The following BRINP3 variants were observed in gnomAD, a reference collection of about 807,000 sequenced individuals.
The protein encoded by BRINP3 is BMP/retinoic acid inducible neural specific 3.
Under a neutral mutation model 71.0 loss-of-function variants are expected in BRINP3, and 19 were observed. The ratio of observed to expected loss-of-function variants is 0.27; its 90% CI spans 0.19 to 0.39. The LOEUF (loss-of-function observed/expected upper bound fraction) is 0.39, where lower values mean the gene tolerates loss of function less well. Among genes scored for constraint, BRINP3 ranks in the 10% least tolerant of loss-of-function variants. The pLI, the probability that BRINP3 is intolerant of heterozygous loss-of-function variation, is 1.00. For synonymous variants in BRINP3, 380 were observed against 337.7 expected (o/e 1.13, Z -1.37); for missense variants, 959 against 940.8 (o/e 1.02, Z -0.25).
intron 2 of BRINP3, among the ~76,000 whole-genome samples, chr1:190,286,501 T>G (rs1489022398): frequency 6.6e-6 from 1 of 152,028 alleles, no homozygotes; most frequent in Admixed American, 6.6e-5. Context: ...CTCTTCATAT[T>G]AGAAATTTTG....
At chr1:190,458,110 A>C (rs183535915) in intron 1 of BRINP3, among the ~76,000 whole-genome samples, 3 of 152,134 alleles carry the variant, frequency 2.0e-5, no homozygotes, top group African/African-American at 7.2e-5. Flanking sequence ...ATTATGAGGT[A>C]ATTATCACAT....
intron 2 of BRINP3, among the ~76,000 whole-genome samples, chr1:190,364,360 T>C (rs1018258856): frequency 6.6e-6 from 1 of 152,140 alleles, no homozygotes; most frequent in Non-Finnish European, 1.5e-5. Flanking sequence ...CTAAATGTTC[T>C]GAAAATTTTA....
At chr1:190,358,139 C>G (rs539315238) in intron 2 of BRINP3, among the ~76,000 whole-genome samples, 2 of 152,080 alleles carry the variant, frequency 1.3e-5, no homozygotes, top group Non-Finnish European at 2.9e-5. Context: ...GCAATGGCAA[C>G]AAAAGACAAA....
chr1:190,352,714 T>C (rs765116725), intron 2 of BRINP3, among the ~76,000 whole-genome samples: 1 of 151,958 alleles, frequency 6.6e-6, no homozygotes, highest in Non-Finnish European at 1.5e-5. Flanking sequence ...TTTTATTCTA[T>C]CTTATTCTGA....
intron 3 of BRINP3, among the ~76,000 whole-genome samples, chr1:190,277,456 C>T (rs1662682836): frequency 1.3e-5 from 2 of 151,356 alleles, no homozygotes; most frequent in South Asian, 4.2e-4. Context: ...GATAAGGGCA[C>T]ATTTAAAATT....
chr1:190,208,136 T>C (rs1655677130), intron 6 of BRINP3, among the ~76,000 whole-genome samples: 1 of 152,024 alleles, frequency 6.6e-6, no homozygotes. Context: ...ATTTTTTTTA[T>C]TTTTGTAAAG....
Position 190,281,740 on chromosome 1 carries a change from G to T in BRINP3, c.247C>A (p.Arg83Ser). The T allele has an allele frequency of 6.2e-7, 1 of 1,605,030 alleles. No individual in the cohort carries two copies. Among genetic ancestry groups the T allele is most frequent in the Non-Finnish European group, 8.5e-7 (1 of 1,177,100 alleles). ...ACTGCAAGGTTATTTACTTTCCAGC[G>T]GCCAAACTCCCTGAAAAGCAAATTT... ...TRYKIYREFG[R>S]WKVNNLAVER... Residue 83 changes from arginine to serine, a missense_variant, in exon 3 of 8, where the codon CGC (arginine) becomes AGC (serine). Coordinates refer to ENST00000367462, the MANE Select transcript of BRINP3 (RefSeq NM_199051.3).
chr1:190,278,070 T>C (rs779668452), intron 3 of BRINP3, among the ~76,000 whole-genome samples: 29 of 151,746 alleles, frequency 1.9e-4, no homozygotes, highest in Non-Finnish European at 3.5e-4. Context: ...CAAAGTTTTA[T>C]GTCTACATCA....
At chr1:190,266,376 A>T (rs1448925297) in intron 3 of BRINP3, among the ~76,000 whole-genome samples, 1 of 152,202 alleles carries the variant, frequency 6.6e-6, no homozygotes. Flanking sequence ...TCTCAGAAAT[A>T]GATTTCAACA....
At chr1:190,393,363 C>G (rs1263460273) in intron 2 of BRINP3, among the ~76,000 whole-genome samples, 1 of 151,398 alleles carries the variant, frequency 6.6e-6, no homozygotes, top group African/African-American at 2.4e-5. Flanking sequence ...CTTCTGCCTT[C>G]GGTGCAATTC....
At chr1:190,188,738 C>T (rs998989606) in intron 6 of BRINP3, among the ~76,000 whole-genome samples, 3 of 149,918 alleles carry the variant, frequency 2.0e-5, no homozygotes, top group Admixed American at 2.0e-4. Flanking sequence ...TATTAATGTG[C>T]TGTCATGTTT....
intron 2 of BRINP3, chr1:190,342,519 A>T (rs1268424765): frequency 6.6e-6 from 1 of 151,292 alleles, no homozygotes. Flanking sequence ...CTGGAGTCAA[A>T]TATTTCATTT....
chr1:190,254,833 G>A (rs1437534985), intron 4 of BRINP3, among the ~76,000 whole-genome samples: 1 of 152,128 alleles, frequency 6.6e-6, no homozygotes, highest in African/African-American at 2.4e-5. Context: ...GTGAGAGAGG[G>A]CATCTCTGTC....
intron 2 of BRINP3, chr1:190,362,190 G>A (rs1571861977): frequency 6.6e-6 from 1 of 152,100 alleles, no homozygotes; most frequent in East Asian, 1.9e-4. Flanking sequence ...AGAAACAAAA[G>A]TCTATTGTTT....
intron 2 of BRINP3, among the ~76,000 whole-genome samples, chr1:190,294,486 A>C (rs1242549090): frequency 2.6e-5 from 4 of 151,958 alleles, no homozygotes; most frequent in Non-Finnish European, 4.4e-5. Context: ...TCTTAGGCTC[A>C]AGTGATCCTC....
chr1:190,361,052 T>C (rs1001499008), intron 2 of BRINP3, among the ~76,000 whole-genome samples: 2 of 151,726 alleles, frequency 1.3e-5, no homozygotes, highest in African/African-American at 4.8e-5. Context: ...CCTTTAAAAG[T>C]CGGGGTGGGG....
intron 3 of BRINP3, among the ~76,000 whole-genome samples, chr1:190,267,531 A>C (rs1386881513): frequency 6.9e-6 from 1 of 145,558 alleles, no homozygotes; most frequent in African/African-American, 2.4e-5. Context: ...TAAAATCAAA[A>C]AAATGATAAA....
At chr1:190,365,510 A>T (rs892408168) in intron 2 of BRINP3, among the ~76,000 whole-genome samples, 1 of 148,518 alleles carries the variant, frequency 6.7e-6, no homozygotes, top group African/African-American at 2.5e-5. Flanking sequence ...GATTAATATG[A>T]TAATTATATT....
At chr1:190,105,217 T>G (rs552390504) in intron 7 of BRINP3, among the ~76,000 whole-genome samples, 2 of 152,138 alleles carry the variant, frequency 1.3e-5, no homozygotes, top group South Asian at 4.1e-4. Context: ...CTCTTGGAAA[T>G]ACTTTTGCAC....
Sources: gnomAD v4.1 joint callset for allele counts (sites outside exome capture counted in the v4.1 genomes callset) on GRCh38, gnomAD v4.1.1 for gene constraint, MANE v1.5 for transcripts, NCBI Gene and HGNC (gene_info 2026-07-23, HGNC 2026-07-21) for gene names.